Variants in SOX5 observed in about 807,000 individuals in gnomAD.
The protein encoded by SOX5 is transcription factor SOX-5.
SOX5 carries 9 observed loss-of-function variants against 92.0 expected under a neutral mutation model. That is an observed-to-expected ratio of 0.10 (90% confidence interval 0.06 to 0.17). SOX5 has a LOEUF of 0.17. Among genes scored for constraint, SOX5 ranks in the 10% least tolerant of loss-of-function variants. The pLI is 1.00. For missense variants in SOX5, 642 were observed against 944.5 expected (o/e 0.68, Z 4.20); for synonymous variants, 344 against 336.3 (o/e 1.02, Z -0.25).
At chr12:24,279,576 A>T (rs12301966) in intron 2 of SOX5, among the ~76,000 whole-genome samples, 2 of 152,106 alleles carry the variant, frequency 1.3e-5, no homozygotes, top group Non-Finnish European at 2.9e-5. Context: ...TGATACCACA[A>T]TGAACTTTCC....
chr12:24,058,491 A>C (rs1569527815), intron 4 of SOX5, among the ~76,000 whole-genome samples: 1 of 152,162 alleles, frequency 6.6e-6, no homozygotes, highest in Non-Finnish European at 1.5e-5. Context: ...AGGATGCCCC[A>C]CTTGTTTTTA....
In SOX5 at chr12:23,665,511, C is replaced by T. The variant is rs2083650367; in HGVS notation, c.864G>A (p.Arg288=). The change falls in exon 7 of 15, where the codon CGG becomes CGA. Residue 288 remains arginine, a synonymous_variant. Coordinates refer to ENST00000451604, the MANE Select transcript of SOX5 (RefSeq NM_006940.6). ...LMIPVFPPDQ[R]TLAAAAQQGF... Reference sequence around the variant, plus strand: ...CTTGCTGGGCAGCTGCAGCCAGTGTCCGTTGATCAGGAGGGAATACGGGAA... The same window carrying T: ...CTTGCTGGGCAGCTGCAGCCAGTGTTCGTTGATCAGGAGGGAATACGGGAA... The T allele has an allele frequency of 2.5e-6, 4 of 1,613,574 alleles. No homozygotes were observed. Among genetic ancestry groups the T allele is most frequent in the Middle Eastern group, 1.7e-4 (1 of 6,056 alleles).
intron 2 of SOX5, among the ~76,000 whole-genome samples, chr12:24,291,799 CTG>C (rs1182611896): frequency 1.3e-5 from 2 of 152,196 alleles, no homozygotes; most frequent in African/African-American, 4.8e-5. Flanking sequence ...ATTGACCAGA[CTG>C]TTTTTATAGG....
intron 4 of SOX5, among the ~76,000 whole-genome samples, chr12:24,197,617 G>A (rs1411086598): frequency 4.6e-5 from 7 of 152,146 alleles, no homozygotes; most frequent in Non-Finnish European, 1.0e-4. Context: ...AGCCCTGACT[G>A]TCTTGGCCTT....
At chr12:24,166,814 T>C (rs1270143126) in intron 4 of SOX5, among the ~76,000 whole-genome samples, 1 of 152,192 alleles carries the variant, frequency 6.6e-6, no homozygotes, top group African/African-American at 2.4e-5. Flanking sequence ...TATTAGATGA[T>C]TTCTACTTTT....
At chr12:23,990,350 G>A (rs1420738390) in intron 4 of SOX5, among the ~76,000 whole-genome samples, 1 of 152,126 alleles carries the variant, frequency 6.6e-6, no homozygotes, top group Non-Finnish European at 1.5e-5. Flanking sequence ...ACTCCTTAGT[G>A]TGGCAATCAA....
intron 1 of SOX5, among the ~76,000 whole-genome samples, chr12:24,457,250 A>C (rs1388022810): frequency 1.3e-5 from 2 of 152,222 alleles, no homozygotes; most frequent in Non-Finnish European, 2.9e-5. Context: ...AGACAGTTAA[A>C]AGAAAAACCT....
At chr12:24,396,211 G>C (rs902408890) in intron 1 of SOX5, among the ~76,000 whole-genome samples, 1 of 152,194 alleles carries the variant, frequency 6.6e-6, no homozygotes, top group Non-Finnish European at 1.5e-5. Context: ...TGCCCTCTGA[G>C]GGTAAGGCTT....
At chr12:24,494,715 A>G (rs182890527) in intron 1 of SOX5, among the ~76,000 whole-genome samples, 1 of 152,276 alleles carries the variant, frequency 6.6e-6, no homozygotes, top group East Asian at 1.9e-4. Flanking sequence ...AGGCAGTTCC[A>G]AAGTGCCATG....
intron 2 of SOX5, among the ~76,000 whole-genome samples, chr12:24,318,392 C>T (rs150111910): frequency 2.0e-5 from 3 of 152,020 alleles, no homozygotes; most frequent in Non-Finnish European, 2.9e-5. Flanking sequence ...TGTAGAGAAA[C>T]GGCTGGAGGA....
In SOX5 at chr12:23,931,751, G is replaced by C. The variant is rs533582798; in HGVS notation, c.38+17813C>G. Among the ~76,000 whole-genome samples the C allele has an allele frequency of 6.6e-5, 10 of 151,676 alleles. No individual in the cohort carries two copies. In the South Asian group the frequency reaches 2.1e-3, roughly 31 times the overall value. On this transcript the variant is annotated intron_variant, in intron 1 of 14. Transcript: ENST00000451604. ...AATGAGTTGAATCTGTTCTGACTGA[G>C]GTAAGTAGCATCTAGCATTTTTTCA...
chr12:23,675,703 C>G (rs971177978), intron 6 of SOX5, among the ~76,000 whole-genome samples: 4 of 152,018 alleles, frequency 2.6e-5, no homozygotes, highest in Non-Finnish European at 4.4e-5. Context: ...TGGACTACTT[C>G]AAACTAAAAA....
At chr12:24,387,350 GA>G (rs1485546116) in intron 1 of SOX5, among the ~76,000 whole-genome samples, 5 of 152,108 alleles carry the variant, frequency 3.3e-5, no homozygotes, top group South Asian at 2.1e-4. Context: ...AAAACATTGA[GA>G]TTTTTTTGCA....
intron 3 of SOX5, among the ~76,000 whole-genome samples, chr12:23,774,100 G>A (rs1364823579): frequency 5.3e-5 from 8 of 152,100 alleles, no homozygotes; most frequent in African/African-American, 1.9e-4. Flanking sequence ...AGACAAAAAC[G>A]GTGTCTACAC....
chr12:23,942,991 T>C (rs1192154804), intron 1 of SOX5, among the ~76,000 whole-genome samples: 6 of 152,138 alleles, frequency 3.9e-5, no homozygotes, highest in South Asian at 2.1e-4. Flanking sequence ...GCAGCTTTTC[T>C]TTATAGTGTT....
At chr12:24,113,674 T>C (rs1172215001) in intron 4 of SOX5, among the ~76,000 whole-genome samples, 3 of 152,156 alleles carry the variant, frequency 2.0e-5, no homozygotes, top group African/African-American at 7.2e-5. Flanking sequence ...GATATAATTT[T>C]TTCAACAGAT....
chr12:23,734,066 G>A (rs567533653), intron 6 of SOX5, among the ~76,000 whole-genome samples: 2 of 152,256 alleles, frequency 1.3e-5, no homozygotes, highest in South Asian at 4.1e-4. Flanking sequence ...AGCAAGTTGT[G>A]GAAACAAGAC....
At chr12:24,118,958 G>A (rs1443195083) in intron 4 of SOX5, among the ~76,000 whole-genome samples, 1 of 152,254 alleles carries the variant, frequency 6.6e-6, no homozygotes, top group African/African-American at 2.4e-5. Flanking sequence ...TTTGATCTCA[G>A]TCATAAAATG....
At chr12:23,558,148 T>C (rs1945552839) in intron 11 of SOX5, among the ~76,000 whole-genome samples, 1 of 152,204 alleles carries the variant, frequency 6.6e-6, no homozygotes, top group South Asian at 2.1e-4. Flanking sequence ...TCCTACCCAG[T>C]AGCCATTGCC....
Sources: allele counts gnomAD v4.1 joint callset (sites outside exome capture counted in the v4.1 genomes callset), GRCh38; gene constraint gnomAD v4.1.1; transcripts MANE v1.5; gene names NCBI Gene and HGNC (gene_info 2026-07-23, HGNC 2026-07-21).